The following HOPX variants were observed in gnomAD, a reference collection of about 807,000 sequenced individuals.
HOPX encodes HOP homeobox.
A neutral mutation model predicts 11.8 loss-of-function variants in HOPX; 5 were observed. The ratio of observed to expected loss-of-function variants is 0.43; its 90% CI spans 0.22 to 0.89. The LOEUF is 0.89. Ranked by LOEUF, HOPX falls within the 40% of genes least tolerant of loss-of-function variation. The pLI, the probability that HOPX is intolerant of heterozygous loss-of-function variation, is 0.28. For synonymous variants in HOPX, 49 were observed against 49.7 expected (o/e 0.99, Z 0.06); for missense variants, 119 against 120.0 (o/e 0.99, Z 0.04).
chr4:56,675,177 T>G (rs1472870726), intron 1 of HOPX, among the ~76,000 whole-genome samples: 2 of 151,520 alleles, frequency 1.3e-5, no homozygotes, highest in Non-Finnish European at 2.9e-5. Context: ...TTCTCAGCCT[T>G]GGCGGGAGGG....
At position 56,655,893 on chromosome 4, in the gene HOPX, G is replaced by C; in HGVS notation, c.162C>G (p.Ile54Met). ...CCTCGGAAAGGCCTGCCTCGGCCGC[G>C]ATGAGGCACAGCGTGGTGGAATCCG... ...KHPDSTTLCL[I>M]AAEAGLSEEE... The change falls in exon 3 of 4, where the codon ATC becomes ATG. Residue 54 changes from isoleucine to methionine, a missense_variant. Coordinates refer to ENST00000420433, the MANE Select transcript of HOPX (RefSeq NM_032495.6). The C allele has an allele frequency of 6.2e-7, 1 of 1,612,006 alleles. No individual in the cohort carries two copies. Among genetic ancestry groups the C allele is most frequent in the Non-Finnish European group, 8.5e-7 (1 of 1,179,130 alleles).
intron 1 of HOPX, chr4:56,680,828 A>T: frequency 5.8e-6 from 1 of 171,798 alleles, no homozygotes; most frequent in Non-Finnish European, 1.2e-5. Flanking sequence ...CCCTTGTCAA[A>T]CACAAAACAT....
chr4:56,676,982 G>A (rs1170435632), intron 1 of HOPX, among the ~76,000 whole-genome samples: 2 of 151,794 alleles, frequency 1.3e-5, no homozygotes, highest in Non-Finnish European at 2.9e-5. Flanking sequence ...TGCCCCAGCT[G>A]CACAACTGGG....
At chr4:56,681,071 T>A in intron 1 of HOPX, 184 bp downstream of exon 1, 1 of 985,062 alleles carries the variant, frequency 1.0e-6, no homozygotes, top group South Asian at 4.7e-5. Context: ...TGTAAGGGAC[T>A]GATGTCTTAC....
intron 2 of HOPX, 109 bp downstream of exon 2, chr4:56,657,666 T>A: frequency 1.4e-6 from 1 of 715,774 alleles, no homozygotes; most frequent in Non-Finnish European, 2.6e-6. Context: ...GTCACGGTGC[T>A]AGGCAGGAGA....
chr4:56,648,321 G>C lies in HOPX; in HGVS notation c.*399C>G, dbSNP rs1361156215. ...AAAGTGACTTAGGGAAGTAAGTTCAGAAGGAAATGTGTTCCCTTCTCCCTC... is the reference window on the plus strand; with the variant it reads ...AAAGTGACTTAGGGAAGTAAGTTCACAAGGAAATGTGTTCCCTTCTCCCTC... On this transcript the variant is annotated 3_prime_UTR_variant, in exon 4 of 4. Transcript: ENST00000420433. 2 of 162,626 alleles carry C rather than the reference G, an allele frequency of 1.2e-5. No individual in the cohort carries two copies. Among genetic ancestry groups the C allele is most frequent in the African/African-American group, 4.8e-5 (2 of 41,898 alleles). The allele number at this position is 162,626 out of a possible 1,614,324, so 10.1% of individuals were successfully genotyped here. A position where few individuals can be genotyped will look rare whatever the true frequency, so the allele number is the denominator to read the frequency against.
intron 3 of HOPX, among the ~76,000 whole-genome samples, chr4:56,652,436 G>A (rs1223235283): frequency 6.6e-6 from 1 of 152,072 alleles, no homozygotes; most frequent in Non-Finnish European, 1.5e-5. Context: ...GGTGGGATGA[G>A]GACTCAGGCA....
At chr4:56,661,010 G>C (rs1292265771) in intron 1 of HOPX, among the ~76,000 whole-genome samples, 1 of 152,148 alleles carries the variant, frequency 6.6e-6, no homozygotes, top group African/African-American at 2.4e-5. Context: ...TTGGAGTGCA[G>C]TGGTGTGATC....
intron 1 of HOPX, among the ~76,000 whole-genome samples, chr4:56,658,676 A>G (rs930877118): frequency 2.6e-5 from 4 of 152,194 alleles, no homozygotes; most frequent in African/African-American, 9.7e-5. Context: ...CTTTTCAACT[A>G]TTTCCAGTAA....
At chr4:56,662,740 G>A (rs1455157697) in intron 1 of HOPX, 1 of 152,444 alleles carries the variant, frequency 6.6e-6, no homozygotes, top group Non-Finnish European at 1.5e-5. Flanking sequence ...GCCTCCCAAA[G>A]TGCTGGGATT....
intron 1 of HOPX, among the ~76,000 whole-genome samples, chr4:56,672,369 C>T (rs1374328468): frequency 6.6e-6 from 1 of 150,766 alleles, no homozygotes; most frequent in Admixed American, 6.6e-5. Context: ...AGAAACCCCG[C>T]CTCTACTAAA....
At chr4:56,649,657 C>G (rs1226098454) in intron 3 of HOPX, 1 of 152,144 alleles carries the variant, frequency 6.6e-6, no homozygotes, top group African/African-American at 2.4e-5. Flanking sequence ...TACAGAAGGC[C>G]CCAGATGGGA....
chr4:56,667,233 G>C (rs1198830897), intron 1 of HOPX, among the ~76,000 whole-genome samples: 1 of 152,042 alleles, frequency 6.6e-6, no homozygotes, highest in Non-Finnish European at 1.5e-5. Context: ...AAAGCATAAG[G>C]TTCTCTTTAG....
At chr4:56,681,092 A>G in intron 1 of HOPX, 163 bp downstream of exon 1, 1 of 984,692 alleles carries the variant, frequency 1.0e-6, no homozygotes, top group Non-Finnish European at 1.2e-6. Flanking sequence ...ACCCAGCAGC[A>G]TTTCCTAGCT....
chr4:56,652,268 C>T (rs1253203221), intron 3 of HOPX, among the ~76,000 whole-genome samples: 3 of 152,124 alleles, frequency 2.0e-5, no homozygotes, highest in African/African-American at 7.2e-5. Context: ...TTCTTAGTCC[C>T]GCTTGTCCCT....
At chr4:56,669,457 A>C (rs1718614385) in intron 1 of HOPX, among the ~76,000 whole-genome samples, 1 of 152,006 alleles carries the variant, frequency 6.6e-6, no homozygotes, top group Admixed American at 6.6e-5. Flanking sequence ...TCAGGAGTTC[A>C]AGAGCAGCCT....
intron 1 of HOPX, chr4:56,679,657 T>C (rs1719219234): frequency 6.6e-6 from 1 of 152,186 alleles, no homozygotes; most frequent in Non-Finnish European, 1.5e-5. Context: ...TTTGTATTTT[T>C]AGTAGAGACG....
rs1717865252 is a variant in HOPX, at chr4:56,657,887, G to C, written c.-71C>G. On this transcript the variant is annotated 5_prime_UTR_variant, in exon 2 of 4. Transcript: ENST00000420433. Reference sequence around the variant, plus strand: ...CCGCTAGACCCTTCTCAGTGGGGCAGTCTGTCATTAGTCTGGTAGGAAAAA... The same window carrying C: ...CCGCTAGACCCTTCTCAGTGGGGCACTCTGTCATTAGTCTGGTAGGAAAAA... 1 of 1,551,098 alleles carries C rather than the reference G, an allele frequency of 6.4e-7. No homozygotes were observed. The highest frequency in any genetic ancestry group is 1.4e-5 in the African/African-American group (1 of 73,054).
chr4:56,678,355 C>A (rs1553884339), intron 1 of HOPX, among the ~76,000 whole-genome samples: 1 of 151,266 alleles, frequency 6.6e-6, no homozygotes, highest in Non-Finnish European at 1.5e-5. Context: ...ATTAGACTCA[C>A]CTGGGGAACT....
Sources: gnomAD v4.1 joint callset for allele counts (sites outside exome capture counted in the v4.1 genomes callset) on GRCh38, gnomAD v4.1.1 for gene constraint, MANE v1.5 for transcripts, NCBI Gene and HGNC (gene_info 2026-07-23, HGNC 2026-07-21) for gene names.